Variants in TCEA1 observed in about 807,000 individuals in gnomAD.
TCEA1 encodes transcription elongation factor A protein 1.
Under a neutral mutation model 43.8 loss-of-function variants are expected in TCEA1, and 21 were observed. That is an observed-to-expected ratio of 0.48 (90% confidence interval 0.34 to 0.69). TCEA1 has a LOEUF of 0.69. Ranked by LOEUF, TCEA1 falls within the 30% of genes least tolerant of loss-of-function variation. The pLI, the probability that TCEA1 is intolerant of heterozygous loss-of-function variation, is 0.01. For missense variants in TCEA1, 250 were observed against 365.1 expected, an observed-to-expected ratio of 0.68 and a Z score of 2.57; for synonymous variants, 104 against 117.5, an observed-to-expected ratio of 0.88 and a Z score of 0.75.
In TCEA1 at chr8:53,984,342, C is replaced by T. The variant is rs1803617112; in HGVS notation, c.678+21G>A. ...CAACACAGAATCACATTATAGAAAC[C>T]TCAGATTCACACATACTCACCTCTG... On this transcript the variant is annotated intron_variant, in intron 7 of 9. Transcript: ENST00000521604. 4 of 1,574,068 alleles carry T rather than the reference C, an allele frequency of 2.5e-6. No individual in the cohort carries two copies. In the African/African-American group the frequency reaches 5.5e-5, roughly 21 times the overall value.
chr8:53,979,128 G>A lies in TCEA1; in HGVS notation c.722C>T (p.Thr241Ile). 1 of 1,613,698 alleles carries A rather than the reference G, an allele frequency of 6.2e-7. No homozygotes were observed. Among genetic ancestry groups the A allele is most frequent in the Non-Finnish European group, 8.5e-7 (1 of 1,179,756 alleles). Residue 241 changes from threonine to isoleucine, a missense_variant, in exon 8 of 10, where the codon ACC becomes ATC. Around this residue, in one of 4 missense-constraint regions of TCEA1, gnomAD observed 46 missense variants for 109.8 expected, o/e 0.42. Coordinates refer to ENST00000521604, the MANE Select transcript of TCEA1 (RefSeq NM_006756.4). ...DELKEMRKNL[T>I]KEAIREHQMA... is the part of the protein sequence containing the mutation. ...CTGATGCTCTCTGATGGCTTCTTTG[G>A]TCAAGTTTTTCCGCATCTCTTTCAG...
At chr8:53,995,336 G>A (rs1330856669) in intron 3 of TCEA1, among the ~76,000 whole-genome samples, 1 of 149,648 alleles carries the variant, frequency 6.7e-6, no homozygotes, top group Non-Finnish European at 1.5e-5. Context: ...GTGCATGCCT[G>A]TAGTCCCAGC....
In TCEA1 at chr8:53,978,156, C is replaced by T. The variant is rs992041070; in HGVS notation, c.825+869G>A. On this transcript the variant is annotated intron_variant, in intron 8 of 9. Transcript: ENST00000521604. Reference sequence around the variant, plus strand: ...GCTCATGCCTGTATTCCCAGTACTTCGGGAGGCCAAGGTGAGAGGATCATT... The same window carrying T: ...GCTCATGCCTGTATTCCCAGTACTTTGGGAGGCCAAGGTGAGAGGATCATT... Among the ~76,000 whole-genome samples, 4 of 152,120 alleles carry T rather than the reference C, an allele frequency of 2.6e-5. No individual in the cohort carries two copies. The East Asian group carries it at 5.8e-4, about 22-fold the overall frequency.
At chr8:54,013,837 A>G (rs1326205202) in intron 1 of TCEA1, among the ~76,000 whole-genome samples, 1 of 152,220 alleles carries the variant, frequency 6.6e-6, no homozygotes, top group African/African-American at 2.4e-5. Flanking sequence ...AATACTTCAC[A>G]TAGATTTAAT....
intron 2 of TCEA1, among the ~76,000 whole-genome samples, chr8:54,008,172 CAAAAA>C (rs777634895): frequency 4.7e-5 from 2 of 42,336 alleles, no homozygotes; most frequent in Non-Finnish European, 8.8e-5. Flanking sequence ...AACTGTGTCT[CAAAAA>C]AAAAAAAAAA....
At chr8:53,979,268 A>G (rs1037295899) in intron 7 of TCEA1, 97 bp from the exon 8 acceptor site, 4 of 1,275,142 alleles carry the variant, frequency 3.1e-6, no homozygotes, top group South Asian at 2.2e-5. Context: ...ATAAAACCAC[A>G]TATCAACCTT....
intron 3 of TCEA1, among the ~76,000 whole-genome samples, chr8:53,998,644 A>T (rs1804144215): frequency 6.6e-6 from 1 of 152,218 alleles, no homozygotes; most frequent in South Asian, 2.1e-4. Flanking sequence ...GAAATATATC[A>T]ACAAAAAATT....
intron 8 of TCEA1, among the ~76,000 whole-genome samples, chr8:53,975,135 C>A (rs1047292438): frequency 2.8e-5 from 4 of 144,868 alleles, no homozygotes; most frequent in African/African-American, 7.9e-5. Flanking sequence ...TCAAACTATT[C>A]TCTGGAAAAA....
intron 8 of TCEA1, chr8:53,974,353 T>C (rs1324013863): frequency 6.6e-6 from 1 of 152,226 alleles, no homozygotes; most frequent in Non-Finnish European, 1.5e-5. Context: ...TCTTCATAAA[T>C]AGTTGTTCTT....
Position 54,000,782 on chromosome 8 carries a change from G to A in TCEA1, c.127-732C>T, listed in dbSNP as rs373495133. 1.1e-4 allele frequency among the ~76,000 whole-genome samples: 16 copies of A among 140,740 alleles called. No homozygotes were observed. The East Asian group carries it at 1.4e-3, about 12-fold the overall frequency. The allele number at this position is 140,740 out of a possible 152,430, so 92.3% of individuals were successfully genotyped here. On this transcript the variant is annotated intron_variant, in intron 2 of 9. Coordinates refer to ENST00000521604, the MANE Select transcript of TCEA1 (RefSeq NM_006756.4). Reference sequence around the variant, plus strand: ...GATTTTTTTTTTTTTTTTTTGAGACGGACTCTCACTCTGTCACCCAGGCTG... The same window carrying A: ...GATTTTTTTTTTTTTTTTTTGAGACAGACTCTCACTCTGTCACCCAGGCTG...
chr8:53,990,894 T>C (rs1803853993), intron 4 of TCEA1, among the ~76,000 whole-genome samples: 1 of 152,226 alleles, frequency 6.6e-6, no homozygotes, highest in Admixed American at 6.5e-5. Context: ...CCTGCTTAGC[T>C]ACAAGCAACT....
chr8:53,973,637 G>A (rs1803235338), intron 8 of TCEA1: 3 of 568,240 alleles, frequency 5.3e-6, no homozygotes, highest in Admixed American at 2.2e-5. Flanking sequence ...AGATTGTGGA[G>A]CACCAGAACC....
rs78068968 is a variant in TCEA1, at chr8:53,986,701, T to C, written c.523+268A>G. 6.2e-3 allele frequency among the ~76,000 whole-genome samples: 947 copies of C among 152,340 alleles called. 28 individuals are homozygous for C. The East Asian group carries it at 0.082, about 13-fold the overall frequency. ...GTTTCTAGTTCATTCAGCTTCAACA[T>C]GAAGGAAAAAGTCTAGCGTGGTGGT... On this transcript the variant is annotated intron_variant, in intron 6 of 9. Coordinates refer to ENST00000521604, the MANE Select transcript of TCEA1 (RefSeq NM_006756.4).
At chr8:53,985,429 G>A (rs946745962) in intron 6 of TCEA1, among the ~76,000 whole-genome samples, 1 of 152,172 alleles carries the variant, frequency 6.6e-6, no homozygotes, top group Non-Finnish European at 1.5e-5. Context: ...AAAGGAGCTT[G>A]AACTTATTCA....
At chr8:53,975,282 T>C (rs1166982299) in intron 8 of TCEA1, among the ~76,000 whole-genome samples, 1 of 152,196 alleles carries the variant, frequency 6.6e-6, no homozygotes, top group Non-Finnish European at 1.5e-5. Context: ...ATACTGGTAA[T>C]TGTTCTCTTT....
intron 3 of TCEA1, among the ~76,000 whole-genome samples, chr8:53,995,042 T>G (rs994443738): frequency 5.9e-5 from 9 of 152,144 alleles, no homozygotes; most frequent in Non-Finnish European, 1.0e-4. Context: ...GGCTGACACC[T>G]GTAAACCCAA....
At chr8:54,000,088 T>C in intron 2 of TCEA1, 38 bp from the exon 3 acceptor site, 1 of 1,191,232 alleles carries the variant, frequency 8.4e-7, no homozygotes, top group Non-Finnish European at 1.2e-6. Flanking sequence ...TATACCAATT[T>C]TATTTTAAAC....
chr8:53,998,509 T>C (rs951899149), intron 3 of TCEA1, among the ~76,000 whole-genome samples: 4 of 152,040 alleles, frequency 2.6e-5, no homozygotes, highest in Non-Finnish European at 5.9e-5. Flanking sequence ...ACAGGATATA[T>C]ACACACACAC....
intron 2 of TCEA1, 115 bp from the exon 3 acceptor site, chr8:54,000,165 T>G (rs1355848795): frequency 2.9e-6 from 2 of 692,098 alleles, no homozygotes; most frequent in Non-Finnish European, 4.7e-6. Flanking sequence ...ATTTCAAAAC[T>G]TCAATTTTTG....
Sources: gnomAD v4.1 joint callset for allele counts (sites outside exome capture counted in the v4.1 genomes callset) on GRCh38, gnomAD v4.1.1 for gene constraint, gnomAD v4.1.1 regional missense constraint, MANE v1.5 for transcripts, NCBI Gene and HGNC (gene_info 2026-07-23, HGNC 2026-07-21) for gene names.